ZMYM2: variants seen among roughly 807,000 people sequenced by gnomAD.
The protein encoded by ZMYM2 is zinc finger MYM-type protein 2.
In ZMYM2, 56 loss-of-function variants were observed where a neutral mutation model predicts 162.8. The ratio of observed to expected loss-of-function variants is 0.34; its 90% CI spans 0.28 to 0.43. The LOEUF is 0.43. ZMYM2 is among the 20% of genes least tolerant of loss of function. ZMYM2 has a pLI of 1.00. For synonymous variants in ZMYM2, 510 were observed against 541.6 expected, an observed-to-expected ratio of 0.94 and a Z score of 0.81; for missense variants, 1,275 against 1,621.8, an observed-to-expected ratio of 0.79 and a Z score of 3.67.
chr13:19,867,782 C>G, the ZMYM2 span, among the ~76,000 whole-genome samples: 2 of 152,258 alleles, frequency 1.3e-5, no homozygotes, highest in African/African-American at 4.8e-5. Context: ...TGCGCCACCA[C>G]GTCCAGCTAA....
At chr13:19,975,084 C>T (rs1956665637) in intron 2 of ZMYM2, among the ~76,000 whole-genome samples, 1 of 150,916 alleles carries the variant, frequency 6.6e-6, no homozygotes, top group African/African-American at 2.4e-5. Context: ...GAGCTCTTTG[C>T]CTTCATTTTA....
the ZMYM2 span, among the ~76,000 whole-genome samples, chr13:19,891,077 T>C: frequency 1.3e-5 from 2 of 151,936 alleles, no homozygotes; most frequent in Non-Finnish European, 2.9e-5. Context: ...AATGTTTACG[T>C]TGAAGCCCTG....
At chr13:19,905,163 C>G in the ZMYM2 span, among the ~76,000 whole-genome samples, 1 of 152,006 alleles carries the variant, frequency 6.6e-6, no homozygotes, top group Non-Finnish European at 1.5e-5. Flanking sequence ...AGTCATGCAC[C>G]ACCACGCTCC....
chr13:20,074,559 G>A (rs1265936512), intron 21 of ZMYM2, among the ~76,000 whole-genome samples: 2 of 132,982 alleles, frequency 1.5e-5, no homozygotes, highest in African/African-American at 5.8e-5. Context: ...TTTTTTTTGA[G>A]ACGGAGTCTT....
rs1594395459 is a variant in ZMYM2, at chr13:20,019,749, A to C, written c.1584+131A>C. The C allele has an allele frequency of 5.1e-6, 4 of 777,182 alleles. No homozygotes were observed. In the East Asian group the frequency reaches 8.3e-5, roughly 16 times the overall value. The allele number at this position is 777,182 out of a possible 1,614,324, so 48.1% of individuals were successfully genotyped here. On this transcript the variant is annotated intron_variant, in intron 7 of 24. Transcript: ENST00000610343. ...AAATTTCCAAACTTAAATTGTATCA[A>C]ATGATGAATGTTTTATCTCTGAGAC... is the stretch of plus-strand genomic sequence containing the variant.
chr13:19,890,199 G>C, the ZMYM2 span, among the ~76,000 whole-genome samples: 11 of 151,742 alleles, frequency 7.2e-5, no homozygotes, highest in African/African-American at 2.7e-4. Flanking sequence ...ACAGAGTCTT[G>C]CTCTGTTACC....
the ZMYM2 span, among the ~76,000 whole-genome samples, chr13:19,880,891 GTTTT>G: frequency 1.1e-4 from 15 of 141,066 alleles, no homozygotes; most frequent in African/African-American, 1.8e-4. Context: ...TTTTTGTTTT[GTTTT>G]TTGTTTTTTT....
chr13:20,000,304 C>T (rs983080205), intron 3 of ZMYM2, among the ~76,000 whole-genome samples: 1 of 152,200 alleles, frequency 6.6e-6, no homozygotes, highest in Non-Finnish European at 1.5e-5. Flanking sequence ...GGAAATAAGT[C>T]ATCTCCATAA....
intron 12 of ZMYM2, among the ~76,000 whole-genome samples, chr13:20,043,891 G>A (rs1182600336): frequency 2.6e-5 from 4 of 152,048 alleles, no homozygotes; most frequent in Non-Finnish European, 5.9e-5. Context: ...TGTCTGTGGG[G>A]GCCACCCCAC....
At chr13:20,028,376 A>G (rs1275229647) in intron 9 of ZMYM2, among the ~76,000 whole-genome samples, 1 of 152,226 alleles carries the variant, frequency 6.6e-6, no homozygotes, top group African/African-American at 2.4e-5. Flanking sequence ...GACAGTGTCT[A>G]TAGCATGCTA....
At chr13:20,044,631 A>T (rs1302978973) in intron 12 of ZMYM2, among the ~76,000 whole-genome samples, 1 of 152,230 alleles carries the variant, frequency 6.6e-6, no homozygotes, top group East Asian at 1.9e-4. Flanking sequence ...CTAGATAAGA[A>T]AATGAGTGTA....
chr13:19,955,077 G>A (rs984547785), upstream of ZMYM2, among the ~76,000 whole-genome samples: 2 of 152,014 alleles, frequency 1.3e-5, no homozygotes, highest in Non-Finnish European at 2.9e-5. Context: ...CTCCCAAAGT[G>A]CTGGGATTAC....
At chr13:19,996,427 A>T (rs1594253140) in intron 3 of ZMYM2, among the ~76,000 whole-genome samples, 1 of 147,230 alleles carries the variant, frequency 6.8e-6, no homozygotes, top group South Asian at 2.3e-4. Context: ...TACTAAAGAT[A>T]AAAAAAAAAC....
At chr13:19,964,438 G>T (rs9508983) in intron 2 of ZMYM2, among the ~76,000 whole-genome samples, 1 of 151,992 alleles carries the variant, frequency 6.6e-6, no homozygotes. Flanking sequence ...TTAATAGGTC[G>T]GTTTTTTGTA....
At position 19,993,854 on chromosome 13, in the gene ZMYM2, CT is replaced by C; in HGVS notation, c.783del (p.Gly262ValfsTer3). 1 of 1,613,952 alleles carries C rather than the reference CT, an allele frequency of 6.2e-7. No individual in the cohort carries two copies. Among genetic ancestry groups the C allele is most frequent in the Non-Finnish European group, 8.5e-7 (1 of 1,179,944 alleles). ...AAGACTGGAGTAGGACCTTTTAATC[CT>C]GGTAGAATGAATGTGGCAGGAGACG... The part of the protein sequence containing the change: ...QTKTGVGPFN[P>X]GRMNVAGDVF... On this transcript the variant is annotated frameshift_variant, in exon 3 of 25. Transcript: ENST00000610343. LOFTEE classifies it high-confidence loss of function.
At chr13:19,960,820 C>T (rs1032886157) in intron 2 of ZMYM2, among the ~76,000 whole-genome samples, 1 of 152,204 alleles carries the variant, frequency 6.6e-6, no homozygotes, top group African/African-American at 2.4e-5. Context: ...ACTCTGGACA[C>T]ATTATGTCTC....
the ZMYM2 span, among the ~76,000 whole-genome samples, chr13:19,949,371 G>C: frequency 6.6e-6 from 1 of 152,222 alleles, no homozygotes; most frequent in African/African-American, 2.4e-5. Flanking sequence ...CCGAGATCAC[G>C]CCACTGCACT....
chr13:19,907,406 G>A, the ZMYM2 span, among the ~76,000 whole-genome samples: 1 of 152,126 alleles, frequency 6.6e-6, no homozygotes, highest in African/African-American at 2.4e-5. Flanking sequence ...AGAAGGCTGT[G>A]TCAGGGCAGG....
chr13:20,066,728 A>G (rs73154132), intron 19 of ZMYM2, 123 bp from the exon 20 acceptor site: 45,974 of 884,934 alleles, frequency 0.052, 1,379 homozygotes, highest in South Asian at 0.087. Flanking sequence ...GGACCCCTGC[A>G]GTTCAAACCC....
Sources: allele counts gnomAD v4.1 joint callset (sites outside exome capture counted in the v4.1 genomes callset), GRCh38; gene constraint gnomAD v4.1.1; transcripts MANE v1.5; gene names NCBI Gene and HGNC (gene_info 2026-07-23, HGNC 2026-07-21).